Variants in EPHB1 observed in about 807,000 individuals in gnomAD.
EPHB1 encodes the protein EPH receptor B1, also known as ephrin type-B receptor 1.
Under a neutral mutation model 94.4 loss-of-function variants are expected in EPHB1, and 30 were observed. That is an observed-to-expected ratio of 0.32 (90% CI 0.24 to 0.43). The LOEUF (loss-of-function observed/expected upper bound fraction) is 0.43. Ranked by LOEUF, EPHB1 falls within the 20% of genes least tolerant of loss-of-function variation. The pLI is 1.00. For missense variants in EPHB1, 1,055 were observed against 1,308.3 expected (o/e 0.81, Z 2.99); for synonymous variants, 522 against 489.1 (o/e 1.07, Z -0.89).
chr3:134,843,107 G>T (rs1387149602), intron 1 of EPHB1, among the ~76,000 whole-genome samples: 3 of 151,996 alleles, frequency 2.0e-5, no homozygotes, highest in African/African-American at 7.2e-5. Context: ...TTCTGGCTTT[G>T]GTTGTCTAGG....
intron 1 of EPHB1, among the ~76,000 whole-genome samples, chr3:134,822,861 G>A (rs563652837): frequency 6.6e-6 from 1 of 152,178 alleles, no homozygotes; most frequent in Non-Finnish European, 1.5e-5. Flanking sequence ...CTTTGGCTTG[G>A]CATAAACGAA....
chr3:135,119,297 T>G (rs1939847274), intron 4 of EPHB1, among the ~76,000 whole-genome samples: 1 of 152,318 alleles, frequency 6.6e-6, no homozygotes, highest in South Asian at 2.1e-4. Flanking sequence ...TGTTTTGTCA[T>G]ATTGAGGTTT....
intron 3 of EPHB1, among the ~76,000 whole-genome samples, chr3:135,085,770 C>T (rs1187170602): frequency 1.3e-5 from 2 of 152,182 alleles, no homozygotes; most frequent in African/African-American, 2.4e-5. Context: ...GCCACATGTC[C>T]ATCTCAGCAT....
chr3:134,887,358 C>T (rs1171832494), intron 1 of EPHB1, among the ~76,000 whole-genome samples: 1 of 152,226 alleles, frequency 6.6e-6, no homozygotes, highest in East Asian at 1.9e-4. Context: ...TCACATATCA[C>T]TTTCACATAT....
At chr3:134,892,228 C>T (rs969743203) in intron 1 of EPHB1, among the ~76,000 whole-genome samples, 3 of 152,200 alleles carry the variant, frequency 2.0e-5, no homozygotes, top group African/African-American at 7.2e-5. Context: ...GCTTAATGTC[C>T]TTGCCAGGGG....
intron 12 of EPHB1, among the ~76,000 whole-genome samples, chr3:135,215,500 C>T (rs970534363): frequency 6.6e-6 from 1 of 152,116 alleles, no homozygotes; most frequent in Non-Finnish European, 1.5e-5. Flanking sequence ...GAAAAGGATC[C>T]TATAACTTTC....
chr3:135,092,790 T>C (rs1329067790), intron 3 of EPHB1, among the ~76,000 whole-genome samples: 1 of 152,192 alleles, frequency 6.6e-6, no homozygotes, highest in Non-Finnish European at 1.5e-5. Flanking sequence ...TACTCCTGAC[T>C]AATTTTTTGT....
chr3:135,207,146 A>G lies in EPHB1; in HGVS notation c.2346+5457A>G, dbSNP rs149615823. Among the ~76,000 whole-genome samples, 551 of 152,306 alleles carry G rather than the reference A, an allele frequency of 3.6e-3. 5 individuals are homozygous for G. The highest frequency in any genetic ancestry group is 0.013 in the African/African-American group (528 of 41,570). On this transcript the variant is annotated intron_variant, in intron 12 of 15. Transcript: ENST00000398015. ...ACACGACATTAAAAGTTTCTTTGGT[A>G]AAAGATTTCCCACGTTATTTTTCTG...
At chr3:134,812,265 T>A (rs6775289) in intron 1 of EPHB1, among the ~76,000 whole-genome samples, 7 of 152,220 alleles carry the variant, frequency 4.6e-5, no homozygotes, top group Non-Finnish European at 8.8e-5. Context: ...TGTCCCTTCA[T>A]GGTCATGTGC....
intron 1 of EPHB1, among the ~76,000 whole-genome samples, chr3:134,816,302 C>T (rs1254870830): frequency 6.6e-5 from 10 of 151,950 alleles, no homozygotes; most frequent in African/African-American, 2.4e-5. Context: ...CCATGTTGGC[C>T]AGGCTGGTTT....
intron 12 of EPHB1, among the ~76,000 whole-genome samples, chr3:135,218,893 C>G (rs775885156): frequency 6.6e-6 from 1 of 152,178 alleles, no homozygotes; most frequent in Non-Finnish European, 1.5e-5. Flanking sequence ...TGTGTTGAAG[C>G]CCAAGGACGA....
intron 10 of EPHB1, among the ~76,000 whole-genome samples, chr3:135,188,122 G>T (rs770327934): frequency 3.5e-5 from 5 of 143,434 alleles, no homozygotes; most frequent in Admixed American, 3.5e-4. Context: ...TCTCTTGAAC[G>T]TGGGAAGTGG....
At chr3:134,828,106 C>T (rs1202807626) in intron 1 of EPHB1, among the ~76,000 whole-genome samples, 1 of 152,188 alleles carries the variant, frequency 6.6e-6, no homozygotes, top group African/African-American at 2.4e-5. Context: ...GTGCTATGGA[C>T]TCCTGCCTTC....
intron 1 of EPHB1, among the ~76,000 whole-genome samples, chr3:134,811,845 G>A (rs554402466): frequency 6.6e-6 from 1 of 152,246 alleles, no homozygotes; most frequent in Admixed American, 6.5e-5. Flanking sequence ...CTAAACAGTC[G>A]GAAAGGATGT....
chr3:135,135,928 T>G (rs1261297209), intron 5 of EPHB1, among the ~76,000 whole-genome samples: 2 of 152,254 alleles, frequency 1.3e-5, no homozygotes, highest in Non-Finnish European at 2.9e-5. Context: ...GTGTTTCTTT[T>G]GAGTTCACAA....
chr3:135,162,574 A>G (rs78840923), intron 7 of EPHB1, among the ~76,000 whole-genome samples: 2 of 152,166 alleles, frequency 1.3e-5, no homozygotes, highest in African/African-American at 4.8e-5. Context: ...TCATGAGCCA[A>G]GGTCTTCAGG....
At chr3:134,822,116 C>T (rs2036393221) in intron 1 of EPHB1, among the ~76,000 whole-genome samples, 2 of 152,206 alleles carry the variant, frequency 1.3e-5, no homozygotes, top group South Asian at 4.1e-4. Context: ...GGGATGTGTT[C>T]CAGCTGTAAT....
chr3:134,840,194 A>G (rs376536332), intron 1 of EPHB1, among the ~76,000 whole-genome samples: 3 of 152,286 alleles, frequency 2.0e-5, no homozygotes, highest in South Asian at 2.1e-4. Context: ...CTCTTTCCCC[A>G]TAGTGCCTGG....
chr3:135,202,378 A>T (rs943573286), intron 12 of EPHB1, among the ~76,000 whole-genome samples: 1 of 151,918 alleles, frequency 6.6e-6, no homozygotes, highest in Non-Finnish European at 1.5e-5. Context: ...ATGATGTTTG[A>T]TTTCTTTCTG....
Sources: gnomAD v4.1 joint callset for allele counts (sites outside exome capture counted in the v4.1 genomes callset) on GRCh38, gnomAD v4.1.1 for gene constraint, MANE v1.5 for transcripts, NCBI Gene and HGNC (gene_info 2026-07-23, HGNC 2026-07-21) for gene names.